Variants in KCNK13 observed in about 807,000 individuals in gnomAD.
The protein encoded by KCNK13 is potassium two pore domain channel subfamily K member 13, also known as potassium channel subfamily K member 13.
In KCNK13, 12 loss-of-function variants were observed where a neutral mutation model predicts 23.4. The ratio of observed to expected loss-of-function variants is 0.51; its 90% CI spans 0.33 to 0.83. The LOEUF (loss-of-function observed/expected upper bound fraction) is 0.83, where lower values mean the gene tolerates loss of function less well. Among genes scored for constraint, KCNK13 ranks in the 40% least tolerant of loss-of-function variants. KCNK13 has a pLI of 0.02. For synonymous variants in KCNK13, 231 were observed against 229.5 expected (o/e 1.01, Z -0.06); for missense variants, 463 against 556.3 (o/e 0.83, Z 1.69).
intron 1 of KCNK13, among the ~76,000 whole-genome samples, chr14:90,122,918 C>T (rs181289547): frequency 1.3e-5 from 2 of 152,118 alleles, no homozygotes; most frequent in Non-Finnish European, 2.9e-5. Context: ...AGCACGGTTC[C>T]GTCACACACT....
At position 90,071,115 on chromosome 14, in the gene KCNK13, G is replaced by A. The variant is rs1476796638; in HGVS notation, c.334+8576G>A. 2.6e-5 allele frequency among the ~76,000 whole-genome samples: 4 copies of A among 152,164 alleles called. No individual in the cohort carries two copies. In the East Asian group the frequency reaches 7.7e-4, roughly 29 times the overall value. ...CTTGTTTATATTATAAAATAGAATGGCTTCCTTTTCTTTTATCGTAAATTC... is the reference window on the plus strand; with the variant it reads ...CTTGTTTATATTATAAAATAGAATGACTTCCTTTTCTTTTATCGTAAATTC... On this transcript the variant is annotated intron_variant, in intron 1 of 1. Transcript: ENST00000282146.
In KCNK13 at chr14:90,185,007, C is replaced by G. The variant is rs1324500073; in HGVS notation, c.*4C>G. 2 of 1,572,280 alleles carry G rather than the reference C, an allele frequency of 1.3e-6. No individual in the cohort carries two copies. Among genetic ancestry groups the G allele is most frequent in the South Asian group, 2.3e-5 (2 of 85,630 alleles). ...AGAGACCAGTGGGGACAGGTAGAAGCCAGGAGTGGATGCTGGGCAGAGGCC... is the reference window on the plus strand; with the variant it reads ...AGAGACCAGTGGGGACAGGTAGAAGGCAGGAGTGGATGCTGGGCAGAGGCC... On this transcript the variant is annotated 3_prime_UTR_variant, in exon 2 of 2. Transcript: ENST00000282146.
At chr14:90,116,283 C>T (rs1889676095) in intron 1 of KCNK13, among the ~76,000 whole-genome samples, 1 of 152,136 alleles carries the variant, frequency 6.6e-6, no homozygotes, top group African/African-American at 2.4e-5. Context: ...TTAAATCTGT[C>T]TTCTGTCTGA....
At chr14:90,124,357 A>G (rs564408099) in intron 1 of KCNK13, among the ~76,000 whole-genome samples, 1 of 152,374 alleles carries the variant, frequency 6.6e-6, no homozygotes, top group South Asian at 2.1e-4. Context: ...ATTATCCTGC[A>G]TTCTCCAGGT....
intron 1 of KCNK13, among the ~76,000 whole-genome samples, chr14:90,159,727 A>G (rs1406512863): frequency 6.6e-6 from 1 of 152,222 alleles, no homozygotes; most frequent in Non-Finnish European, 1.5e-5. Context: ...CGAGGGTGGT[A>G]CTGTTAGTAT....
chr14:90,137,719 T>C (rs1889955870), intron 1 of KCNK13, among the ~76,000 whole-genome samples: 1 of 152,228 alleles, frequency 6.6e-6, no homozygotes, highest in African/African-American at 2.4e-5. Context: ...AGATGTAAAA[T>C]TGTGAACAAT....
At chr14:90,156,483 A>AT (rs1367930307) in intron 1 of KCNK13, among the ~76,000 whole-genome samples, 31 of 148,788 alleles carry the variant, frequency 2.1e-4, no homozygotes, top group African/African-American at 8.0e-4. Context: ...AGGTTCGAGA[A>AT]TTGAGATGCC....
At chr14:90,121,204 T>A (rs187187973) in intron 1 of KCNK13, among the ~76,000 whole-genome samples, 51 of 152,306 alleles carry the variant, frequency 3.3e-4, no homozygotes, top group African/African-American at 1.2e-3. Flanking sequence ...AGAATAATAT[T>A]TGTGCCTTAT....
At chr14:90,105,414 G>A (rs958078784) in intron 1 of KCNK13, among the ~76,000 whole-genome samples, 2 of 151,764 alleles carry the variant, frequency 1.3e-5, no homozygotes, top group Admixed American at 6.6e-5. Flanking sequence ...GATGTTAGAG[G>A]AAAAAGGGGT....
chr14:90,157,822 T>C (rs1189322857), intron 1 of KCNK13, among the ~76,000 whole-genome samples: 1 of 150,218 alleles, frequency 6.7e-6, no homozygotes, highest in Non-Finnish European at 1.5e-5. Context: ...TGCCTCAGCC[T>C]CCCGAGTAGC....
At chr14:90,109,317 G>A (rs1337232110) in intron 1 of KCNK13, among the ~76,000 whole-genome samples, 2 of 151,888 alleles carry the variant, frequency 1.3e-5, no homozygotes, top group Non-Finnish European at 2.9e-5. Context: ...AAAAGAATTA[G>A]GTTCTAGGCT....
At chr14:90,124,233 C>T (rs965044396) in intron 1 of KCNK13, among the ~76,000 whole-genome samples, 2 of 152,204 alleles carry the variant, frequency 1.3e-5, no homozygotes, top group African/African-American at 4.8e-5. Flanking sequence ...TCATTAAAGT[C>T]ATTAGTCTTT....
At chr14:90,067,370 TATC>T (rs1006408584) in intron 1 of KCNK13, among the ~76,000 whole-genome samples, 3 of 152,152 alleles carry the variant, frequency 2.0e-5, no homozygotes, top group East Asian at 3.9e-4. Context: ...GAAGGACAAA[TATC>T]ATATGATTCC....
At chr14:90,160,504 T>C (rs1177328972) in intron 1 of KCNK13, among the ~76,000 whole-genome samples, 2 of 152,100 alleles carry the variant, frequency 1.3e-5, no homozygotes, top group Admixed American at 6.6e-5. Context: ...GTACTTATAT[T>C]TTGGGTGATT....
chr14:90,077,205 C>G (rs912188866), intron 1 of KCNK13, among the ~76,000 whole-genome samples: 1 of 148,600 alleles, frequency 6.7e-6, no homozygotes, highest in African/African-American at 2.5e-5. Context: ...CTGCAGCCTC[C>G]GCCTCCCGGG....
chr14:90,090,004 C>T (rs973552240), intron 1 of KCNK13, among the ~76,000 whole-genome samples: 1 of 152,244 alleles, frequency 6.6e-6, no homozygotes, highest in Admixed American at 6.5e-5. Flanking sequence ...CATGGAGAAC[C>T]TCTGCTAGGG....
chr14:90,182,898 T>C (rs1890504463), intron 1 of KCNK13, among the ~76,000 whole-genome samples: 1 of 151,698 alleles, frequency 6.6e-6, no homozygotes, highest in Non-Finnish European at 1.5e-5. Flanking sequence ...GCATGCTCAG[T>C]ATTCTTTTTA....
rs1329488837 is a variant in KCNK13 at position 90,184,692 on chromosome 14, C to T, written c.916C>T (p.Leu306Phe). 1 of 1,614,124 alleles carries T rather than the reference C, an allele frequency of 6.2e-7. No homozygotes were observed. Among genetic ancestry groups the T allele is most frequent in the African/African-American group, 1.3e-5 (1 of 74,960 alleles). Residue 306 changes from leucine to phenylalanine, a missense_variant, in exon 2 of 2, where the codon CTC becomes TTC. Leu to Phe is a conservative substitution (Grantham distance 22). This residue lies in a region of KCNK13 where 166 missense variants were observed against 178.8 expected (regional missense o/e 0.93). Coordinates refer to ENST00000282146, the MANE Select transcript of KCNK13 (RefSeq NM_022054.4). The surrounding 1 kb of genome is among the most constrained non-coding windows in gnomAD (Gnocchi z 5.6). ...GTGCTGCCCGCAATGCCAGAGAGGA[C>T]TCTTGCGATCACGCAGGAACGTGGT... Reference protein sequence around the residue: ...SGCCPQCQRGLLRSRRNVVMP... With the variant: ...SGCCPQCQRGFLRSRRNVVMP...
At position 90,083,221 on chromosome 14, in the gene KCNK13, A is replaced by G. The variant is rs532156390; in HGVS notation, c.334+20682A>G. ...CCCCTTCTGTGGGTGTCTTTTCACT[A>G]TCTTCTTGATGTTCTTTGAAGCACC... On this transcript the variant is annotated intron_variant, in intron 1 of 1. Coordinates refer to ENST00000282146, the MANE Select transcript of KCNK13 (RefSeq NM_022054.4). 3.9e-5 allele frequency among the ~76,000 whole-genome samples: 6 copies of G among 152,296 alleles called. No individual in the cohort carries two copies. In the East Asian group the frequency reaches 1.2e-3, roughly 29 times the overall value.
Sources: allele counts gnomAD v4.1 joint callset (sites outside exome capture counted in the v4.1 genomes callset), GRCh38; gene constraint gnomAD v4.1.1; regional missense constraint gnomAD v4.1.1; non-coding constraint Gnocchi (gnomAD v3.1); transcripts MANE v1.5; gene names NCBI Gene and HGNC (gene_info 2026-07-23, HGNC 2026-07-21).